The following MAGED1 variants were observed in gnomAD, a reference collection of about 807,000 sequenced individuals.
MAGED1 encodes the protein melanoma-associated antigen D1.
A neutral mutation model predicts 54.1 loss-of-function variants in MAGED1; 3 were observed. The ratio of observed to expected loss-of-function variants is 0.06; its 90% CI spans 0.03 to 0.14. The LOEUF (loss-of-function observed/expected upper bound fraction) is 0.14. MAGED1 is among the 10% of genes least tolerant of loss of function. The pLI, the probability that MAGED1 is intolerant of heterozygous loss-of-function variation, is 1.00. For synonymous variants in MAGED1, 217 were observed against 227.3 expected (o/e 0.95, Z 0.41); for missense variants, 485 against 623.4 (o/e 0.78, Z 2.36).
chrX:51,877,826 T>G (rs1407019135), intron 1 of MAGED1, among the ~76,000 whole-genome samples: 1 of 111,993 alleles, frequency 8.9e-6, no homozygotes, highest in Non-Finnish European at 1.9e-5. Flanking sequence ...GTATGGACCA[T>G]TTTCCCAATG....
intron 1 of MAGED1, among the ~76,000 whole-genome samples, chrX:51,841,770 G>C (rs1367304552): frequency 9.0e-6 from 1 of 110,926 alleles, no homozygotes; most frequent in Non-Finnish European, 1.9e-5. Flanking sequence ...ATTTCTGAGG[G>C]CTCTGTTCTG....
chrX:51,838,524 C>A (rs1926337877), intron 1 of MAGED1, among the ~76,000 whole-genome samples: 1 of 111,908 alleles, frequency 8.9e-6, no homozygotes, highest in African/African-American at 3.2e-5. Flanking sequence ...AATATTTGGG[C>A]AAATTAGTAC....
chrX:51,876,760 TTTTTC>T lies in MAGED1; in HGVS notation c.-36-17484_-36-17480del, dbSNP rs201706791. On this transcript the variant is annotated intron_variant, in intron 1 of 12. Coordinates refer to the MAGED1 transcript ENST00000375772. ...TTAGAATGTGGAGGCACTGGGTACC[TTTTTC>T]TTTTCTTTTCTTTTCTTTTCTTTTT... 1.6e-3 allele frequency among the ~76,000 whole-genome samples: 178 copies of T among 110,855 alleles called. 2 individuals are homozygous for T. Among genetic ancestry groups the T allele is most frequent in the Admixed American group, 2.4e-3 (25 of 10,410 alleles).
intron 1 of MAGED1, among the ~76,000 whole-genome samples, chrX:51,806,083 C>T (rs1925023814): frequency 9.8e-6 from 1 of 101,779 alleles, no homozygotes; most frequent in Admixed American, 1.2e-4. Flanking sequence ...CAACGACTCT[C>T]CTGCCTCAGG....
intron 1 of MAGED1, among the ~76,000 whole-genome samples, chrX:51,834,189 G>A (rs1429830723): frequency 9.0e-6 from 1 of 111,381 alleles, no homozygotes; most frequent in Non-Finnish European, 1.9e-5. Flanking sequence ...ACTGCTGACA[G>A]CTTTGAAGTC....
chrX:51,855,841 T>A (rs1430541814), intron 1 of MAGED1, among the ~76,000 whole-genome samples: 2 of 111,923 alleles, frequency 1.8e-5, no homozygotes, highest in African/African-American at 6.5e-5. Flanking sequence ...CCTCTTCTTA[T>A]AAGGACACCA....
chrX:51,822,881 G>T (rs1272351459), intron 1 of MAGED1, among the ~76,000 whole-genome samples: 1 of 111,507 alleles, frequency 9.0e-6, no homozygotes, highest in Non-Finnish European at 1.9e-5. Context: ...TAATTTCAAA[G>T]AACTCTCTCA....
At chrX:51,828,692 T>C (rs1271730980) in intron 1 of MAGED1, among the ~76,000 whole-genome samples, 1 of 111,645 alleles carries the variant, frequency 9.0e-6, no homozygotes. Flanking sequence ...AGGAGTGACA[T>C]CTTCCCAGTT....
intron 1 of MAGED1, among the ~76,000 whole-genome samples, chrX:51,875,420 C>T (rs1927833329): frequency 9.0e-6 from 1 of 111,641 alleles, no homozygotes; most frequent in Admixed American, 9.5e-5. Flanking sequence ...GCTCCACAAA[C>T]TGGAACCTCT....
Position 51,873,534 on chromosome X carries a change from T to TGTGAGA in MAGED1, c.-36-20734_-36-20733insTGAGAG, listed in dbSNP as rs1557361798. On this transcript the variant is annotated intron_variant, in intron 1 of 12. Transcript: ENST00000375772. ...TAGACTGTGTGTGTGTGTGTGTGTG[T>TGTGAGA]GAGAGAGAGAGAGAGAGAGAGAGAG... Among the ~76,000 whole-genome samples, 374 of 90,561 alleles carry TGTGAGA rather than the reference T, an allele frequency of 4.1e-3. 1 individual carries two copies. Among genetic ancestry groups the TGTGAGA allele is most frequent in the East Asian group, 0.011 (31 of 2,785 alleles). The allele number at this position is 90,561 out of a possible 115,157, so 78.6% of individuals were successfully genotyped here. A position where few individuals can be genotyped will look rare whatever the true frequency, so the allele number is the denominator to read the frequency against.
At chrX:51,873,902 C>T (rs1393817872) in intron 1 of MAGED1, among the ~76,000 whole-genome samples, 2 of 111,121 alleles carry the variant, frequency 1.8e-5, no homozygotes, top group Non-Finnish European at 3.8e-5. Flanking sequence ...TTATACAGAG[C>T]TTTCCCAAAA....
Position 51,894,906 on chromosome X carries a change from C to T in MAGED1, c.46-147C>T, listed in dbSNP as rs1602270586. The T allele has an allele frequency of 7.5e-6, 7 of 934,623 alleles. No individual in the cohort carries two copies. In the East Asian group the frequency reaches 1.6e-4, roughly 22 times the overall value. The allele number at this position is 934,623 out of a possible 1,213,427, so 77.0% of individuals were successfully genotyped here. ...GTCCCCCATCGCCCCTCGCGGGCCC[C>T]CTAGATCTCTGCCTCAGCCCCCCTG... On this transcript the variant is annotated intron_variant, in intron 2 of 12. Transcript: ENST00000326587.
At chrX:51,874,771 T>C (rs931982696) in intron 1 of MAGED1, among the ~76,000 whole-genome samples, 1 of 110,732 alleles carries the variant, frequency 9.0e-6, no homozygotes, top group Non-Finnish European at 1.9e-5. Context: ...TAAGTTTGGA[T>C]TGATTGATTT....
intron 1 of MAGED1, among the ~76,000 whole-genome samples, chrX:51,873,120 G>A (rs1349662101): frequency 9.0e-6 from 1 of 111,191 alleles, no homozygotes. Context: ...GGCTTGGGAG[G>A]GCTCAGGAAA....
intron 1 of MAGED1, among the ~76,000 whole-genome samples, chrX:51,880,924 A>AT (rs1928030421): frequency 9.2e-6 from 1 of 108,242 alleles, no homozygotes; most frequent in African/African-American, 3.4e-5. Context: ...CTCCTTGTTT[A>AT]TTTTTCATCC....
intron 1 of MAGED1, among the ~76,000 whole-genome samples, chrX:51,860,053 G>T (rs1043763682): frequency 9.0e-6 from 1 of 111,633 alleles, no homozygotes; most frequent in Non-Finnish European, 1.9e-5. Flanking sequence ...ATCATTTGAG[G>T]TCAGGAGTTC....
intron 1 of MAGED1, among the ~76,000 whole-genome samples, chrX:51,861,880 C>T (rs1373928924): frequency 9.0e-6 from 1 of 111,346 alleles, no homozygotes; most frequent in African/African-American, 3.3e-5. Flanking sequence ...TGGGGGTTCA[C>T]CATGTTGGCC....
At chrX:51,822,119 C>T in intron 1 of MAGED1, among the ~76,000 whole-genome samples, 1 of 111,726 alleles carries the variant, frequency 9.0e-6, no homozygotes, top group Non-Finnish European at 1.9e-5. Context: ...AGTGTTCCCT[C>T]GTCTTCCCTC....
upstream of MAGED1, among the ~76,000 whole-genome samples, chrX:51,890,579 C>A (rs1557363361): frequency 9.0e-6 from 1 of 110,937 alleles, no homozygotes; most frequent in Non-Finnish European, 1.9e-5. Flanking sequence ...ATATATATGA[C>A]CTTACTAAAA....
Sources: allele counts gnomAD v4.1 joint callset (sites outside exome capture counted in the v4.1 genomes callset), GRCh38; gene constraint gnomAD v4.1.1; transcripts MANE v1.5; gene names NCBI Gene and HGNC (gene_info 2026-07-23, HGNC 2026-07-21).